FUNDC1: variants seen among roughly 807,000 people sequenced by gnomAD.
FUNDC1 encodes the protein FUN14 domain-containing protein 1.
In FUNDC1, 10 loss-of-function variants were observed where a neutral mutation model predicts 14.5. That is an observed-to-expected ratio of 0.69 (90% CI 0.43 to 1.17). FUNDC1 has a LOEUF of 1.17. Among genes scored for constraint, FUNDC1 ranks in the 50% most tolerant of loss-of-function variants. The pLI, the probability that FUNDC1 is intolerant of heterozygous loss-of-function variation, is 0.00. For missense variants in FUNDC1, 115 were observed against 113.8 expected, an observed-to-expected ratio of 1.01 and a Z score of -0.05; for synonymous variants, 33 against 39.7, an observed-to-expected ratio of 0.83 and a Z score of 0.64.
chrX:44,540,925 A>G (rs1160958218), intron 2 of FUNDC1, among the ~76,000 whole-genome samples: 2 of 111,420 alleles, frequency 1.8e-5, no homozygotes, highest in African/African-American at 3.3e-5. Context: ...TAGTAAGTAC[A>G]TATCATGAAT....
At chrX:44,540,414 T>TTGTGTGTGTATGTGTG (rs1555923157) in intron 2 of FUNDC1, among the ~76,000 whole-genome samples, 1 of 96,651 alleles carries the variant, frequency 1.0e-5, no homozygotes, top group African/African-American at 4.0e-5. Flanking sequence ...AATGTGTGTG[T>TTGTGTGTGTATGTGTG]TGTGTGTGTG....
At chrX:44,541,680 C>G (rs1160091615) in intron 2 of FUNDC1, among the ~76,000 whole-genome samples, 1 of 111,058 alleles carries the variant, frequency 9.0e-6, no homozygotes, top group Non-Finnish European at 1.9e-5. Flanking sequence ...ATTTGCTGAA[C>G]ATGAGAATGG....
rs958554733 is a variant in FUNDC1, at chrX:44,542,382, T to C, written c.29-281A>G. The C allele has an allele frequency of 8.1e-6, 3 of 371,818 alleles. No homozygotes were observed. The Admixed American group carries it at 1.5e-4, about 19-fold the overall frequency. The allele number at this position is 371,818 out of a possible 1,213,427, so 30.6% of individuals were successfully genotyped here. ...CTCAGAATGACACAGTAGTGAGGGGTCACCCCCACCTCCAAACCTTAGTAG... is the reference window on the plus strand; with the variant it reads ...CTCAGAATGACACAGTAGTGAGGGGCCACCCCCACCTCCAAACCTTAGTAG... On this transcript the variant is annotated intron_variant, in intron 1 of 4. Transcript: ENST00000378045.
intron 3 of FUNDC1, among the ~76,000 whole-genome samples, chrX:44,536,760 G>A (rs2038950923): frequency 9.0e-6 from 1 of 111,506 alleles, no homozygotes; most frequent in Admixed American, 9.6e-5. Context: ...AGTGAGAGAG[G>A]TGGAGGATTA....
chrX:44,536,276 G>A (rs1379222801), intron 3 of FUNDC1, among the ~76,000 whole-genome samples: 6 of 101,469 alleles, frequency 5.9e-5, no homozygotes, highest in East Asian at 3.1e-4. Flanking sequence ...CCAAGATTGC[G>A]CCACTGCACT....
intron 3 of FUNDC1, among the ~76,000 whole-genome samples, chrX:44,534,065 CAA>C (rs199944865): frequency 1.1e-5 from 1 of 88,796 alleles, no homozygotes; most frequent in African/African-American, 4.2e-5. Context: ...GACTCTGTCT[CAA>C]AAAAAAAACA....
intron 3 of FUNDC1, among the ~76,000 whole-genome samples, chrX:44,530,490 C>T (rs374234214): frequency 3.2e-4 from 35 of 109,994 alleles, no homozygotes; most frequent in African/African-American, 1.0e-3. Flanking sequence ...CCTGTAATCC[C>T]AGCTACTTGG....
chrX:44,534,102 T>G (rs1189526761), intron 3 of FUNDC1, among the ~76,000 whole-genome samples: 1 of 107,931 alleles, frequency 9.3e-6, no homozygotes, highest in Non-Finnish European at 1.9e-5. Context: ...CAAAAAAAAC[T>G]TGTTGAAGTT....
At chrX:44,533,638 A>AC (rs2038935612) in intron 3 of FUNDC1, among the ~76,000 whole-genome samples, 1 of 105,580 alleles carries the variant, frequency 9.5e-6, no homozygotes, top group African/African-American at 3.5e-5. Context: ...AAAAAAAAAA[A>AC]AAAAAAAAAA....
Position 44,542,094 on chromosome X carries a change from T to C in FUNDC1, c.36A>G (p.Glu12=), listed in dbSNP as rs1233972377. The change falls in exon 2 of 5, where the codon GAA becomes GAG. Residue 12 remains glutamate (E), a synonymous_variant. Transcript: ENST00000378045. The part of the protein sequence containing the change: ...ATRNPPPQDY[E]SDDDSYEVLD... Reference sequence around the variant, plus strand: ...ACACTTCATAAGAGTCGTCATCACTTTCATAGTCTTCAAAATAGCAAAATG... The same window carrying C: ...ACACTTCATAAGAGTCGTCATCACTCTCATAGTCTTCAAAATAGCAAAATG... 1 of 1,188,410 alleles carries C rather than the reference T, an allele frequency of 8.4e-7. No homozygotes were observed. Among genetic ancestry groups the C allele is most frequent in the Admixed American group, 2.3e-5 (1 of 43,719 alleles).
intron 3 of FUNDC1, among the ~76,000 whole-genome samples, chrX:44,528,773 C>T (rs1325448989): frequency 4.4e-5 from 5 of 112,484 alleles, no homozygotes; most frequent in African/African-American, 1.6e-4. Flanking sequence ...CTCTGCTCAC[C>T]GCAAGCTCCG....
intron 4 of FUNDC1, among the ~76,000 whole-genome samples, chrX:44,525,666 C>T (rs2038897876): frequency 9.3e-6 from 1 of 107,941 alleles, no homozygotes; most frequent in African/African-American, 3.4e-5. Context: ...ACCAGCCTGG[C>T]AACATGGCAA....
intron 3 of FUNDC1, among the ~76,000 whole-genome samples, chrX:44,534,092 C>T (rs762650169): frequency 9.5e-6 from 1 of 105,672 alleles, no homozygotes; most frequent in South Asian, 4.1e-4. Flanking sequence ...ACAAAAACAA[C>T]AAAAAAAACT....
chrX:44,542,378 G>T, intron 1 of FUNDC1: 1 of 377,505 alleles, frequency 2.6e-6, no homozygotes, highest in South Asian at 4.6e-5. Context: ...ACAGTAGTGA[G>T]GGGTCACCCC....
chrX:44,524,155 C>A lies in FUNDC1; in HGVS notation c.*43G>T, dbSNP rs765977358. ...AGAGACTGCCTTATTGCTGCCACTTCTCTTCTCATAGTTGAATCCGTTATG... is the reference window on the plus strand; with the variant it reads ...AGAGACTGCCTTATTGCTGCCACTTATCTTCTCATAGTTGAATCCGTTATG... On this transcript the variant is annotated 3_prime_UTR_variant, in exon 5 of 5. Coordinates refer to ENST00000378045, the MANE Select transcript of FUNDC1 (RefSeq NM_173794.4). 1.0e-6 allele frequency: 1 copy of A among 963,775 alleles called. No individual in the cohort carries two copies. The highest frequency in any genetic ancestry group is 1.9e-5 in the African/African-American group (1 of 52,891). The allele number at this position is 963,775 out of a possible 1,213,427, so 79.4% of individuals were successfully genotyped here.
In FUNDC1 at chrX:44,524,485, G is replaced by A. The variant is rs145965023; in HGVS notation, c.391-210C>T. On this transcript the variant is annotated intron_variant, in intron 4 of 4. Transcript: ENST00000378045. ...TAATGTTTAATGGGCACAGAGTTTG[G>A]GATGATGAAAAAGTTCTGGAAATAG... Among the ~76,000 whole-genome samples the A allele has an allele frequency of 6.6e-3, 727 of 110,685 alleles. 4 individuals carry two copies. Among genetic ancestry groups the A allele is most frequent in the African/African-American group, 0.023 (689 of 30,542 alleles).
intron 4 of FUNDC1, among the ~76,000 whole-genome samples, chrX:44,526,605 C>G (rs766420166): frequency 1.5e-3 from 167 of 110,377 alleles, no homozygotes; most frequent in Middle Eastern, 4.7e-3. Flanking sequence ...AAAAAATTAT[C>G]TGTGTGTGTC....
chrX:44,538,405 G>T, intron 3 of FUNDC1, 62 bp downstream of exon 3: 1 of 844,780 alleles, frequency 1.2e-6, no homozygotes, highest in Non-Finnish European at 1.8e-6. Flanking sequence ...ATAAACTGAT[G>T]CCTAAAAGAA....
chrX:44,536,352 G>A lies in FUNDC1; in HGVS notation c.261+2115C>T, dbSNP rs1007898475. Among the ~76,000 whole-genome samples, 13 of 107,174 alleles carry A rather than the reference G, an allele frequency of 1.2e-4. No individual in the cohort carries two copies. The Admixed American group carries it at 1.3e-3, about 11-fold the overall frequency. 93.1% of individuals were successfully genotyped at this position (107,174 alleles called of 115,157 possible). A position where few individuals can be genotyped will look rare whatever the true frequency, so the allele number is the denominator to read the frequency against. On this transcript the variant is annotated intron_variant, in intron 3 of 4. Transcript: ENST00000378045. ...AAAAAAAAAAATCCCAAACTTCCTA[G>A]TAGAAATAATGGCCAAAACCTTCCC...
Sources: allele counts gnomAD v4.1 joint callset (sites outside exome capture counted in the v4.1 genomes callset), GRCh38; gene constraint gnomAD v4.1.1; transcripts MANE v1.5; gene names NCBI Gene and HGNC (gene_info 2026-07-23, HGNC 2026-07-21).